Variants in LRMDA observed in about 807,000 individuals in gnomAD.
LRMDA encodes the protein leucine-rich melanocyte differentiation-associated protein.
A neutral mutation model predicts 29.8 loss-of-function variants in LRMDA; 18 were observed. The observed-to-expected ratio is 0.60, with a 90% CI of 0.42 to 0.90. The LOEUF is 0.90. LRMDA is among the 40% of genes least tolerant of loss of function. The probability of loss-of-function intolerance (pLI) is 0.00; values close to 1 mark genes in which losing one functional copy is unlikely to be tolerated. For missense variants in LRMDA, 273 were observed against 273.9 expected (o/e 1.00, Z 0.02); for synonymous variants, 125 against 109.4 (o/e 1.14, Z -0.89).
intron 2 of LRMDA, among the ~76,000 whole-genome samples, chr10:75,686,752 A>G (rs1382514166): frequency 6.6e-6 from 1 of 152,198 alleles, no homozygotes; most frequent in Non-Finnish European, 1.5e-5. Context: ...GTTTTATTGC[A>G]CTTTGCAGAT....
chr10:76,486,401 G>A (rs933000834), intron 6 of LRMDA, among the ~76,000 whole-genome samples: 5 of 151,832 alleles, frequency 3.3e-5, no homozygotes, highest in African/African-American at 4.8e-5. Context: ...CCTTCACTGC[G>A]GTGGTTTTTG....
rs1308240209 is a variant in LRMDA at position 76,363,237 on chromosome 10, A to G, written c.601+38752A>G. Among the ~76,000 whole-genome samples, 13 of 59,440 alleles carry G rather than the reference A, an allele frequency of 2.2e-4. 1 individual carries two copies. The highest frequency in any genetic ancestry group is 7.7e-4 in the African/African-American group (11 of 14,226). 39.0% of individuals were successfully genotyped at this position (59,440 alleles called of 152,430 possible). On this transcript the variant is annotated intron_variant, in intron 6 of 6. Coordinates refer to ENST00000611255, the MANE Select transcript of LRMDA (RefSeq NM_001305581.2). ...AGGAAGAGAAAGAAAGAAAGAAAGA[A>G]AGAAAGAAAGAAAGAAAGAAGGAAG... is the stretch of plus-strand genomic sequence containing the variant.
At chr10:75,488,449 C>A (rs1226159461) in intron 2 of LRMDA, among the ~76,000 whole-genome samples, 1 of 152,080 alleles carries the variant, frequency 6.6e-6, no homozygotes, top group Non-Finnish European at 1.5e-5. Flanking sequence ...TGTTTGTGTG[C>A]CAGTGTGGTG....
At chr10:76,482,425 A>G (rs1479840050) in intron 6 of LRMDA, among the ~76,000 whole-genome samples, 3 of 151,978 alleles carry the variant, frequency 2.0e-5, no homozygotes, top group African/African-American at 7.2e-5. Context: ...TTTGAACTTA[A>G]GATAAGTGGA....
intron 2 of LRMDA, among the ~76,000 whole-genome samples, chr10:75,495,433 T>C (rs1564785685): frequency 6.6e-6 from 1 of 152,114 alleles, no homozygotes; most frequent in Non-Finnish European, 1.5e-5. Context: ...ATTTTTTGAG[T>C]GCCAAGTCTT....
chr10:75,622,545 A>G (rs1395394461), intron 2 of LRMDA, among the ~76,000 whole-genome samples: 1 of 152,182 alleles, frequency 6.6e-6, no homozygotes, highest in Non-Finnish European at 1.5e-5. Context: ...GTCTTGAGTA[A>G]TGAGAATAAA....
chr10:75,656,343 GT>G (rs1280128978), intron 2 of LRMDA, among the ~76,000 whole-genome samples: 1 of 152,150 alleles, frequency 6.6e-6, no homozygotes, highest in East Asian at 1.9e-4. Context: ...CTGTGCCTTA[GT>G]TTCTTTATCT....
chr10:76,465,322 G>A (rs1255834984), intron 6 of LRMDA, among the ~76,000 whole-genome samples: 1 of 152,148 alleles, frequency 6.6e-6, no homozygotes, highest in Non-Finnish European at 1.5e-5. Context: ...TGTGACTTGA[G>A]CTGAAATTGT....
intron 2 of LRMDA, among the ~76,000 whole-genome samples, chr10:76,014,108 A>G (rs1406649875): frequency 2.5e-5 from 3 of 121,208 alleles, no homozygotes; most frequent in African/African-American, 6.6e-5. Context: ...AAAAAAAAGT[A>G]TATATATATA....
chr10:76,426,194 G>T (rs1258617675), intron 6 of LRMDA, among the ~76,000 whole-genome samples: 1 of 152,184 alleles, frequency 6.6e-6, no homozygotes, highest in South Asian at 2.1e-4. Context: ...TTCCACAATG[G>T]TTGAACTAGT....
intron 2 of LRMDA, among the ~76,000 whole-genome samples, chr10:75,546,715 G>A (rs1840085413): frequency 6.6e-6 from 1 of 151,614 alleles, no homozygotes; most frequent in South Asian, 2.1e-4. Context: ...GACTTTTACT[G>A]TAGTCCGGAG....
chr10:75,628,524 A>G (rs1162120774), intron 2 of LRMDA, among the ~76,000 whole-genome samples: 1 of 152,222 alleles, frequency 6.6e-6, no homozygotes, highest in African/African-American at 2.4e-5. Flanking sequence ...TGTACTTCAC[A>G]GTGAAGATAG....
chr10:76,251,499 G>A (rs1184628780), intron 5 of LRMDA, among the ~76,000 whole-genome samples: 8 of 151,286 alleles, frequency 5.3e-5, no homozygotes, highest in African/African-American at 9.7e-5. Flanking sequence ...TGATCCACCC[G>A]CCTCGGCCTC....
chr10:76,523,107 AT>A (rs10532136), intron 6 of LRMDA, among the ~76,000 whole-genome samples: 57,788 of 147,178 alleles, frequency 0.39, 11,272 homozygotes, highest in Middle Eastern at 0.56. Flanking sequence ...CTGACCATTG[AT>A]TTTTTTTTTT....
intron 2 of LRMDA, among the ~76,000 whole-genome samples, chr10:75,571,085 G>A (rs1217971764): frequency 6.6e-6 from 1 of 152,170 alleles, no homozygotes; most frequent in Non-Finnish European, 1.5e-5. Context: ...TGCATAATTT[G>A]ACCCCATGGT....
chr10:76,507,194 C>G (rs1035622920), intron 6 of LRMDA, among the ~76,000 whole-genome samples: 1 of 102,468 alleles, frequency 9.8e-6, no homozygotes, highest in African/African-American at 2.9e-5. Flanking sequence ...TGATGATTAG[C>G]AATGTTGAAC....
chr10:76,158,356 G>C (rs1898098), intron 5 of LRMDA, among the ~76,000 whole-genome samples: 1 of 151,726 alleles, frequency 6.6e-6, no homozygotes, highest in Non-Finnish European at 1.5e-5. Flanking sequence ...CTCTTCTTAC[G>C]TACTAATGGC....
intron 4 of LRMDA, among the ~76,000 whole-genome samples, chr10:76,049,468 G>T (rs886197604): frequency 1.3e-5 from 2 of 152,196 alleles, no homozygotes; most frequent in African/African-American, 4.8e-5. Context: ...ACAGCAACTG[G>T]TTGAAGAGTG....
At chr10:76,444,811 G>T (rs1396175201) in intron 6 of LRMDA, among the ~76,000 whole-genome samples, 2 of 152,266 alleles carry the variant, frequency 1.3e-5, no homozygotes, top group East Asian at 3.9e-4. Context: ...ATGTATATGT[G>T]TGTGTGTATC....
Sources: gnomAD v4.1 joint callset for allele counts (sites outside exome capture counted in the v4.1 genomes callset) on GRCh38, gnomAD v4.1.1 for gene constraint, MANE v1.5 for transcripts, NCBI Gene and HGNC (gene_info 2026-07-23, HGNC 2026-07-21) for gene names.